ARHGAP24: variants seen among roughly 807,000 people sequenced by gnomAD.
The protein encoded by ARHGAP24 is Rho GTPase activating protein 24, also known as rho GTPase-activating protein 24.
In ARHGAP24, 50 loss-of-function variants were observed where a neutral mutation model predicts 76.4. The ratio of observed to expected loss-of-function variants is 0.65; its 90% CI spans 0.52 to 0.83. The LOEUF (loss-of-function observed/expected upper bound fraction) is 0.83, where lower values mean the gene tolerates loss of function less well. ARHGAP24 is among the 40% of genes least tolerant of loss of function. The probability of loss-of-function intolerance (pLI) is 0.00; values close to 1 mark genes in which losing one functional copy is unlikely to be tolerated. For missense variants in ARHGAP24, 930 were observed against 914.2 expected (o/e 1.02, Z -0.22); for synonymous variants, 345 against 323.3 (o/e 1.07, Z -0.72).
chr4:85,580,233 T>TA (rs1560540165), intron 2 of ARHGAP24, among the ~76,000 whole-genome samples: 1 of 152,034 alleles, frequency 6.6e-6, no homozygotes, highest in Non-Finnish European at 1.5e-5. Flanking sequence ...AAGTCTCTGT[T>TA]ACTGAGAACT....
intron 2 of ARHGAP24, among the ~76,000 whole-genome samples, chr4:85,678,822 A>G (rs1723093323): frequency 6.6e-6 from 1 of 152,202 alleles, no homozygotes; most frequent in African/African-American, 2.4e-5. Context: ...TTCCTTTCTC[A>G]TCTCCAAAAT....
chr4:85,741,734 A>G (rs1323426007), intron 3 of ARHGAP24, among the ~76,000 whole-genome samples: 1 of 152,186 alleles, frequency 6.6e-6, no homozygotes, highest in African/African-American at 2.4e-5. Flanking sequence ...GCCTAGTGAT[A>G]TTTTAGTGCA....
chr4:85,853,526 T>C (rs901880161), intron 3 of ARHGAP24, among the ~76,000 whole-genome samples: 10 of 152,044 alleles, frequency 6.6e-5, no homozygotes, highest in Admixed American at 2.0e-4. Flanking sequence ...GGTACCTCAG[T>C]TGGAAATGCA....
At chr4:85,484,561 C>G (rs1722943994) in intron 1 of ARHGAP24, among the ~76,000 whole-genome samples, 1 of 151,988 alleles carries the variant, frequency 6.6e-6, no homozygotes, top group Non-Finnish European at 1.5e-5. Flanking sequence ...AAAGGGCAAG[C>G]AGATGATATT....
chr4:85,913,577 T>C (rs920529286), intron 3 of ARHGAP24, among the ~76,000 whole-genome samples: 2 of 152,126 alleles, frequency 1.3e-5, no homozygotes, highest in African/African-American at 4.8e-5. Context: ...TCCAAATGTA[T>C]GCCTTTGGTC....
At chr4:85,509,398 T>G (rs1724191449) in intron 1 of ARHGAP24, among the ~76,000 whole-genome samples, 1 of 152,110 alleles carries the variant, frequency 6.6e-6, no homozygotes, top group Non-Finnish European at 1.5e-5. Flanking sequence ...ACTGGAAATG[T>G]CTTAAGTGAA....
intron 3 of ARHGAP24, among the ~76,000 whole-genome samples, chr4:85,798,011 A>T (rs1375919256): frequency 6.6e-6 from 1 of 152,196 alleles, no homozygotes; most frequent in African/African-American, 2.4e-5. Context: ...AAGGTTCTAG[A>T]TCATAAAAGG....
rs539014621 is a variant in ARHGAP24, at chr4:85,777,356, TAACAGTTTGA to T, written c.268+55387_268+55396del. The stretch of plus-strand genomic sequence containing the variant: ...GTGCATTTCTGAATTAAAGAATAGG[TAACAGTTTGA>T]AAATAGGCCTTGAATGATCTGAGCA... On this transcript the variant is annotated intron_variant, in intron 3 of 9. Transcript: ENST00000395184. Among the ~76,000 whole-genome samples, 1,392 of 152,306 alleles carry T rather than the reference TAACAGTTTGA, an allele frequency of 9.1e-3. 8 individuals carry two copies. The highest frequency in any genetic ancestry group is 0.014 in the Middle Eastern group (4 of 294).
rs112480109 is a variant in ARHGAP24, at chr4:85,621,388, G to A, written c.180+50667G>A. 6.5e-3 allele frequency among the ~76,000 whole-genome samples: 988 copies of A among 152,158 alleles called. 14 individuals are homozygous for A. The highest frequency in any genetic ancestry group is 0.023 in the African/African-American group (943 of 41,554). On this transcript the variant is annotated intron_variant, in intron 2 of 9. Transcript: ENST00000395184. ...GAAATAATTTACATTCCCACCAATA[G>A]TGTATAAATGTTCTTTTTTCTTCAC... is the stretch of plus-strand genomic sequence containing the variant.
chr4:85,799,459 CAT>C (rs1044315091), intron 3 of ARHGAP24, among the ~76,000 whole-genome samples: 1 of 152,092 alleles, frequency 6.6e-6, no homozygotes, highest in Non-Finnish European at 1.5e-5. Context: ...GATAAAATTA[CAT>C]GAGTCTATAC....
At chr4:85,728,136 C>A (rs1725238457) in intron 3 of ARHGAP24, among the ~76,000 whole-genome samples, 1 of 145,678 alleles carries the variant, frequency 6.9e-6, no homozygotes, top group African/African-American at 2.5e-5. Flanking sequence ...AGTTTCCATT[C>A]TAATTATTTT....
At chr4:85,505,917 A>G (rs1379209719) in intron 1 of ARHGAP24, among the ~76,000 whole-genome samples, 1 of 151,228 alleles carries the variant, frequency 6.6e-6, no homozygotes, top group East Asian at 2.0e-4. Flanking sequence ...GTGTAGATGT[A>G]CTTTTTGTTG....
chr4:85,975,063 C>T, intron 7 of ARHGAP24, 102 bp downstream of exon 7: 1 of 1,028,634 alleles, frequency 9.7e-7, no homozygotes, highest in Non-Finnish European at 1.5e-6. Context: ...TACTTCGAGC[C>T]CTAGTGTTGG....
chr4:85,974,843 G>A (rs771274292), intron 6 of ARHGAP24, 45 bp from the exon 7 acceptor site: 4 of 1,575,220 alleles, frequency 2.5e-6, no homozygotes, highest in South Asian at 1.1e-5. Context: ...TAATTCTAAG[G>A]CCAACGTGTA....
chr4:85,490,870 A>G (rs1560506816), intron 1 of ARHGAP24, among the ~76,000 whole-genome samples: 2 of 152,170 alleles, frequency 1.3e-5, no homozygotes, highest in Non-Finnish European at 2.9e-5. Flanking sequence ...TTATTAATAA[A>G]AATTTTCCCC....
chr4:85,556,380 C>G (rs2128093), intron 1 of ARHGAP24, among the ~76,000 whole-genome samples: 125,489 of 152,096 alleles, frequency 0.83, 54,158 homozygotes, highest in East Asian at 0.98. Context: ...TGAGGCAAGA[C>G]CCCTGCCTGG....
chr4:85,486,877 A>G (rs1723069476), intron 1 of ARHGAP24, among the ~76,000 whole-genome samples: 1 of 151,994 alleles, frequency 6.6e-6, no homozygotes, highest in African/African-American at 2.4e-5. Context: ...TGTACAATAT[A>G]CTGAGTAGTT....
chr4:85,514,786 A>T (rs908106401), intron 1 of ARHGAP24, among the ~76,000 whole-genome samples: 5 of 147,146 alleles, frequency 3.4e-5, no homozygotes, highest in African/African-American at 2.6e-5. Context: ...GTGTTGCCTT[A>T]GCAATAATAT....
intron 1 of ARHGAP24, among the ~76,000 whole-genome samples, chr4:85,485,364 AAAAAAAAAAAAAATATATATATAT>A (rs1170975046): frequency 1.1e-4 from 7 of 61,112 alleles, no homozygotes; most frequent in African/African-American, 5.3e-4. Context: ...AAAAAAAAAA[AAAAAAAAAAAAAATATATATATAT>A]ATATATATAT....
Sources: gnomAD v4.1 joint callset for allele counts (sites outside exome capture counted in the v4.1 genomes callset) on GRCh38, gnomAD v4.1.1 for gene constraint, MANE v1.5 for transcripts, NCBI Gene and HGNC (gene_info 2026-07-23, HGNC 2026-07-21) for gene names.